CDH12: variants seen among roughly 807,000 people sequenced by gnomAD.
The protein encoded by CDH12 is cadherin 12.
Under a neutral mutation model 74.1 loss-of-function variants are expected in CDH12, and 41 were observed. That is an observed-to-expected ratio of 0.55 (90% CI 0.43 to 0.72). CDH12 has a LOEUF of 0.72. CDH12 is among the 30% of genes least tolerant of loss of function. The pLI is 0.00. For synonymous variants in CDH12, 399 were observed against 355.0 expected, an observed-to-expected ratio of 1.12 and a Z score of -1.39; for missense variants, 945 against 977.2, an observed-to-expected ratio of 0.97 and a Z score of 0.44.
chr5:21,960,153 A>T (rs1756291470), intron 6 of CDH12, among the ~76,000 whole-genome samples: 1 of 152,130 alleles, frequency 6.6e-6, no homozygotes, highest in Non-Finnish European at 1.5e-5. Flanking sequence ...TAACAATGAT[A>T]TTCAGGATCT....
intron 1 of CDH12, among the ~76,000 whole-genome samples, chr5:22,656,815 T>A (rs1740060334): frequency 6.6e-6 from 1 of 152,066 alleles, no homozygotes; most frequent in Non-Finnish European, 1.5e-5. Flanking sequence ...ATAAATACAT[T>A]TTTATCTTCT....
intron 1 of CDH12, among the ~76,000 whole-genome samples, chr5:22,715,412 G>A (rs1056309199): frequency 6.6e-6 from 1 of 152,102 alleles, no homozygotes; most frequent in Non-Finnish European, 1.5e-5. Context: ...TATTTCACTT[G>A]CTCACTGATT....
At chr5:22,454,916 G>A (rs1414679404) in intron 2 of CDH12, among the ~76,000 whole-genome samples, 1 of 152,166 alleles carries the variant, frequency 6.6e-6, no homozygotes, top group Non-Finnish European at 1.5e-5. Flanking sequence ...GAATCTGGAA[G>A]GAACACAAAC....
At chr5:22,738,161 T>C (rs1020927852) in intron 1 of CDH12, among the ~76,000 whole-genome samples, 2 of 151,942 alleles carry the variant, frequency 1.3e-5, no homozygotes, top group Admixed American at 1.3e-4. Context: ...GCAAGGATCT[T>C]GTCCAAGGTT....
At chr5:22,692,232 C>T (rs1368605212) in intron 1 of CDH12, among the ~76,000 whole-genome samples, 2 of 152,156 alleles carry the variant, frequency 1.3e-5, no homozygotes, top group Non-Finnish European at 2.9e-5. Flanking sequence ...AGTCTGGGGC[C>T]CTTAACAGAT....
chr5:22,434,171 G>C (rs1015516391), intron 2 of CDH12, among the ~76,000 whole-genome samples: 19 of 152,104 alleles, frequency 1.2e-4, no homozygotes, highest in African/African-American at 3.9e-4. Context: ...ACTCTATAGA[G>C]TGTTAAAAAT....
At chr5:21,965,265 C>G (rs2150113350) in intron 6 of CDH12, among the ~76,000 whole-genome samples, 1 of 151,992 alleles carries the variant, frequency 6.6e-6, no homozygotes, top group East Asian at 1.9e-4. Context: ...ATTTCACTGT[C>G]AAACAAAATG....
chr5:22,627,321 A>G (rs1738351195), intron 1 of CDH12, among the ~76,000 whole-genome samples: 1 of 152,086 alleles, frequency 6.6e-6, no homozygotes, highest in African/African-American at 2.4e-5. Flanking sequence ...AAAGAAAAAT[A>G]TATTAAAAAC....
At chr5:21,916,482 T>C (rs17365211) in intron 6 of CDH12, among the ~76,000 whole-genome samples, 6,702 of 149,928 alleles carry the variant, frequency 0.045, 185 homozygotes, top group Non-Finnish European at 0.063. Flanking sequence ...AAGTTTCCCA[T>C]TGTCAAAACT....
At chr5:22,507,503 G>T (rs1342622734) in intron 1 of CDH12, among the ~76,000 whole-genome samples, 19 of 151,928 alleles carry the variant, frequency 1.3e-4, no homozygotes, top group Non-Finnish European at 5.9e-5. Context: ...AATCCAGATG[G>T]GATAACTTAT....
chr5:21,914,685 T>C (rs1754010045), intron 6 of CDH12, among the ~76,000 whole-genome samples: 1 of 152,150 alleles, frequency 6.6e-6, no homozygotes, highest in African/African-American at 2.4e-5. Flanking sequence ...TTTTTGCCCT[T>C]ATAACTTGAA....
At chr5:22,435,502 G>GTGTC (rs1159789117) in intron 2 of CDH12, among the ~76,000 whole-genome samples, 1 of 114,938 alleles carries the variant, frequency 8.7e-6, no homozygotes, top group Non-Finnish European at 1.9e-5. Context: ...ATATATATGT[G>GTGTC]TGTGTGTGTG....
chr5:21,999,553 C>T (rs1736489885), intron 5 of CDH12, among the ~76,000 whole-genome samples: 5 of 152,062 alleles, frequency 3.3e-5, no homozygotes, highest in South Asian at 2.1e-4. Context: ...CTCAGAGTAC[C>T]GTAGCCATTA....
At chr5:22,220,217 C>T (rs1466711917) in intron 3 of CDH12, among the ~76,000 whole-genome samples, 1 of 151,572 alleles carries the variant, frequency 6.6e-6, no homozygotes, top group Non-Finnish European at 1.5e-5. Context: ...TTTGTACATG[C>T]GTATGTGTGT....
rs957747232 is a variant in CDH12 at position 22,696,706 on chromosome 5, T to C, written c.-523+156352A>G. ...AGGTGTAGCTTTCTAGCAGCTAGAA[T>C]GGCTTCTGAAGATGTTTCTTCTTTC... On this transcript the variant is annotated intron_variant, in intron 1 of 14. Coordinates refer to ENST00000382254, the MANE Select transcript of CDH12 (RefSeq NM_004061.5). Among the ~76,000 whole-genome samples, 10 of 152,318 alleles carry C rather than the reference T, an allele frequency of 6.6e-5. No individual in the cohort carries two copies. In the East Asian group the frequency reaches 1.2e-3, roughly 18 times the overall value.
intron 2 of CDH12, among the ~76,000 whole-genome samples, chr5:22,455,945 C>A (rs917503603): frequency 6.6e-6 from 1 of 152,126 alleles, no homozygotes; most frequent in Non-Finnish European, 1.5e-5. Flanking sequence ...TGATGTTCAA[C>A]ATCTGGCTCT....
At chr5:22,002,693 A>G (rs1285711879) in intron 5 of CDH12, among the ~76,000 whole-genome samples, 1 of 152,076 alleles carries the variant, frequency 6.6e-6, no homozygotes, top group Non-Finnish European at 1.5e-5. Context: ...AGAAGATCAC[A>G]CAAAATTTGG....
chr5:21,834,895 T>C (rs2149977064), intron 8 of CDH12, among the ~76,000 whole-genome samples: 1 of 152,130 alleles, frequency 6.6e-6, no homozygotes, highest in African/African-American at 2.4e-5. Flanking sequence ...TAAGAGCCAT[T>C]ATTTTAGCCA....
chr5:22,792,913 G>A (rs1215808057), intron 1 of CDH12, among the ~76,000 whole-genome samples: 1 of 152,174 alleles, frequency 6.6e-6, no homozygotes, highest in African/African-American at 2.4e-5. Flanking sequence ...GCATAAAGCA[G>A]TTATAAAGTG....
Sources: allele counts gnomAD v4.1 joint callset (sites outside exome capture counted in the v4.1 genomes callset), GRCh38; gene constraint gnomAD v4.1.1; transcripts MANE v1.5; gene names NCBI Gene and HGNC (gene_info 2026-07-23, HGNC 2026-07-21).